The following FBXL20 variants were observed in gnomAD, a reference collection of about 807,000 sequenced individuals.
The protein encoded by FBXL20 is F-box/LRR-repeat protein 20.
Under a neutral mutation model 64.0 loss-of-function variants are expected in FBXL20, and 11 were observed. The ratio of observed to expected loss-of-function variants is 0.17; its 90% CI spans 0.11 to 0.28. The LOEUF is 0.28. FBXL20 is among the 10% of genes least tolerant of loss of function. The probability of loss-of-function intolerance (pLI) is 1.00; values close to 1 mark genes in which losing one functional copy is unlikely to be tolerated. For synonymous variants in FBXL20, 184 were observed against 189.0 expected, an observed-to-expected ratio of 0.97 and a Z score of 0.22; for missense variants, 303 against 526.2, an observed-to-expected ratio of 0.58 and a Z score of 4.15.
chr17:39,308,698 G>A (rs1009879928), intron 2 of FBXL20, among the ~76,000 whole-genome samples: 8 of 151,594 alleles, frequency 5.3e-5, no homozygotes, highest in South Asian at 2.1e-4. Context: ...CTGAGTAGCT[G>A]GCACTACAGG....
intron 2 of FBXL20, among the ~76,000 whole-genome samples, chr17:39,341,990 T>C (rs1401844257): frequency 2.0e-5 from 3 of 152,172 alleles, no homozygotes; most frequent in Non-Finnish European, 4.4e-5. Context: ...ATCTCTTGGA[T>C]GGATTTACTG....
chr17:39,316,294 T>TACATATACAC (rs1555607970), intron 2 of FBXL20, among the ~76,000 whole-genome samples: 1 of 150,110 alleles, frequency 6.7e-6, no homozygotes, highest in Non-Finnish European at 1.5e-5. Flanking sequence ...CATCTACATA[T>TACATATACAC]ACACACACAC....
intron 1 of FBXL20, among the ~76,000 whole-genome samples, chr17:39,344,738 C>A (rs1451568108): frequency 2.6e-5 from 4 of 152,148 alleles, no homozygotes; most frequent in Non-Finnish European, 5.9e-5. Flanking sequence ...TGCAGTGAGC[C>A]AAGATGGCGC....
At chr17:39,268,324 G>T (rs189419184) in intron 12 of FBXL20, among the ~76,000 whole-genome samples, 3 of 152,212 alleles carry the variant, frequency 2.0e-5, no homozygotes, top group Non-Finnish European at 2.9e-5. Flanking sequence ...CTGCACTCCA[G>T]CCTGGGCAAC....
chr17:39,337,539 G>A (rs1286595477), intron 2 of FBXL20, among the ~76,000 whole-genome samples: 2 of 151,294 alleles, frequency 1.3e-5, no homozygotes, highest in African/African-American at 4.9e-5. Context: ...TGAGATGTGG[G>A]GAGCGCCTCT....
chr17:39,360,792 C>A (rs2047786887), intron 1 of FBXL20, among the ~76,000 whole-genome samples: 1 of 152,168 alleles, frequency 6.6e-6, no homozygotes, highest in African/African-American at 2.4e-5. Context: ...CAGATAACAG[C>A]TTCCCATATA....
At chr17:39,363,832 A>AAAAAAC (rs1235339100) in intron 1 of FBXL20, among the ~76,000 whole-genome samples, 1 of 145,096 alleles carries the variant, frequency 6.9e-6, no homozygotes, top group Non-Finnish European at 1.5e-5. Context: ...AAAAACAAAA[A>AAAAAAC]ACAAAAAAAA....
upstream of FBXL20, chr17:39,401,702 C>T: frequency 6.9e-6 from 8 of 1,167,350 alleles, no homozygotes; most frequent in Non-Finnish European, 8.5e-6. Context: ...ACAGAGCCGC[C>T]CGGGCCTCGG....
intron 10 of FBXL20, among the ~76,000 whole-genome samples, chr17:39,273,821 G>GAA (rs56218843): frequency 1.9e-3 from 260 of 134,658 alleles, no homozygotes; most frequent in Middle Eastern, 7.5e-3. Context: ...CTCTGTTTCA[G>GAA]AAAAAAAAAA....
At chr17:39,321,315 G>A (rs1404670047) in intron 2 of FBXL20, among the ~76,000 whole-genome samples, 6 of 151,320 alleles carry the variant, frequency 4.0e-5, no homozygotes, top group South Asian at 2.1e-4. Context: ...AGCCGGGCAC[G>A]GTGGCAGGCA....
At chr17:39,305,298 T>C (rs112872596) in intron 2 of FBXL20, among the ~76,000 whole-genome samples, 92 of 152,320 alleles carry the variant, frequency 6.0e-4, no homozygotes, top group African/African-American at 2.1e-3. Context: ...CTCAGCCTTA[T>C]AGAAGGCAAA....
chr17:39,371,016 C>G (rs147423437), intron 1 of FBXL20, among the ~76,000 whole-genome samples: 1,605 of 151,840 alleles, frequency 0.011, 28 homozygotes, highest in African/African-American at 0.037. Context: ...TTTGGGAGTT[C>G]GAGACCAGCC....
At chr17:39,396,295 A>G (rs943076417) in intron 1 of FBXL20, among the ~76,000 whole-genome samples, 2 of 152,054 alleles carry the variant, frequency 1.3e-5, no homozygotes, top group African/African-American at 4.8e-5. Flanking sequence ...CCAAGCTAGA[A>G]AAGTAAAAAG....
intron 10 of FBXL20, among the ~76,000 whole-genome samples, chr17:39,271,211 G>A (rs898996247): frequency 6.6e-6 from 1 of 152,110 alleles, no homozygotes; most frequent in East Asian, 1.9e-4. Flanking sequence ...CAAAGGAAAC[G>A]GAGATACTCT....
At position 39,252,970 on chromosome 17, in the gene FBXL20, T is replaced by TAAGC. The variant is rs2046664054; in HGVS notation, c.*8486_*8489dup. 1 of 152,258 alleles carries TAAGC rather than the reference T, an allele frequency of 6.6e-6. No individual in the cohort carries two copies. Among genetic ancestry groups the TAAGC allele is most frequent in the African/African-American group, 2.4e-5 (1 of 41,418 alleles). 9.4% of individuals were successfully genotyped at this position (152,258 alleles called of 1,614,324 possible). ...AACTGTGTCGGCTCCAGAGATTGGC[T>TAAGC]AAGCATTTGGAGCAGGCCTAGTGGA... is the stretch of plus-strand genomic sequence containing the variant. On this transcript the variant is annotated 3_prime_UTR_variant, in exon 15 of 15. Transcript: ENST00000264658.
chr17:39,315,004 C>G (rs921957629), intron 2 of FBXL20, among the ~76,000 whole-genome samples: 1 of 151,978 alleles, frequency 6.6e-6, no homozygotes, highest in African/African-American at 2.4e-5. Context: ...ACCATGTTGG[C>G]CAGGCTGGTC....
At chr17:39,285,267 C>G (rs1305216283) in intron 7 of FBXL20, among the ~76,000 whole-genome samples, 2 of 152,026 alleles carry the variant, frequency 1.3e-5, no homozygotes, top group African/African-American at 2.4e-5. Context: ...ACTGTACTAC[C>G]CTGTTCAGAA....
intron 2 of FBXL20, among the ~76,000 whole-genome samples, chr17:39,333,870 G>T (rs878950176): frequency 2.0e-5 from 3 of 149,680 alleles, no homozygotes; most frequent in Non-Finnish European, 3.0e-5. Flanking sequence ...GTCTCTGACC[G>T]GCTGCCCCGT....
chr17:39,309,072 A>T (rs1024477719), intron 2 of FBXL20, among the ~76,000 whole-genome samples: 1 of 152,092 alleles, frequency 6.6e-6, no homozygotes, highest in Non-Finnish European at 1.5e-5. Context: ...CAGCAAAGCC[A>T]TTTTTTTTAA....
Sources: allele counts gnomAD v4.1 joint callset (sites outside exome capture counted in the v4.1 genomes callset), GRCh38; gene constraint gnomAD v4.1.1; transcripts MANE v1.5; gene names NCBI Gene and HGNC (gene_info 2026-07-23, HGNC 2026-07-21).